PLAC1: variants seen among roughly 807,000 people sequenced by gnomAD.
The protein encoded by PLAC1 is placenta associated 1.
For missense variants in PLAC1, 136 were observed against 163.2 expected (o/e 0.83, Z 0.91); for synonymous variants, 68 against 62.1 (o/e 1.09, Z -0.44).
chrX:134,636,393 T>C (rs2078283540), intron 1 of PLAC1, among the ~76,000 whole-genome samples: 1 of 112,050 alleles, frequency 8.9e-6, no homozygotes, highest in Admixed American at 9.5e-5. Flanking sequence ...AATTGCCATA[T>C]AACAAAATGA....
At chrX:134,723,385 G>T (rs761162527) in intron 2 of PLAC1, among the ~76,000 whole-genome samples, 8 of 106,722 alleles carry the variant, frequency 7.5e-5, no homozygotes, top group Non-Finnish European at 1.3e-4. Context: ...ATGGCTCAGC[G>T]CAGCCTCAAC....
chrX:134,617,589 G>A (rs2078190575), intron 1 of PLAC1, among the ~76,000 whole-genome samples: 1 of 111,960 alleles, frequency 8.9e-6, no homozygotes, highest in African/African-American at 3.2e-5. Context: ...AAGATGATCA[G>A]GTGGTTTTTA....
chrX:134,749,173 C>T (rs948964878), intron 1 of PLAC1, among the ~76,000 whole-genome samples: 2 of 111,670 alleles, frequency 1.8e-5, no homozygotes, highest in Non-Finnish European at 3.8e-5. Flanking sequence ...AACAATTAGG[C>T]GGGCTTGGTG....
chrX:134,714,323 C>G (rs1481259874), intron 2 of PLAC1, among the ~76,000 whole-genome samples: 2 of 109,006 alleles, frequency 1.8e-5, no homozygotes, highest in African/African-American at 6.7e-5. Flanking sequence ...CTCTATCCCC[C>G]CATCCCTCTC....
intron 1 of PLAC1, among the ~76,000 whole-genome samples, chrX:134,620,693 G>A (rs759107881): frequency 3.6e-5 from 4 of 111,690 alleles, no homozygotes; most frequent in African/African-American, 9.8e-5. Flanking sequence ...CAGGAGCCTC[G>A]AAAGATTCAA....
chrX:134,585,937 C>T (rs1209289751), intron 2 of PLAC1, among the ~76,000 whole-genome samples: 1 of 111,877 alleles, frequency 8.9e-6, no homozygotes, highest in Admixed American at 9.5e-5. Flanking sequence ...GAAGTTGGGA[C>T]CCAAAGGTGC....
At chrX:134,583,044 A>T (rs1243516751) in intron 2 of PLAC1, among the ~76,000 whole-genome samples, 5 of 111,915 alleles carry the variant, frequency 4.5e-5, no homozygotes, top group African/African-American at 1.6e-4. Context: ...ATTAAATGAC[A>T]CCATGAGTGT....
At chrX:134,641,425 G>C (rs924646096) in intron 1 of PLAC1, among the ~76,000 whole-genome samples, 1 of 111,944 alleles carries the variant, frequency 8.9e-6, no homozygotes, top group Admixed American at 9.4e-5. Context: ...GTATCCTTTG[G>C]GTCCTGTATT....
Position 134,640,342 on chromosome X carries a change from TG to T in PLAC1, c.-131+17985del, listed in dbSNP as rs774155693. On this transcript the variant is annotated intron_variant, in intron 1 of 2. Transcript: ENST00000359237. ...ACATCTTGACTGGGAGGGTTGTTTCTGGGGGGTCCAATCAATGATCATCAGG... is the reference window on the plus strand; with the variant it reads ...ACATCTTGACTGGGAGGGTTGTTTCTGGGGGTCCAATCAATGATCATCAGG... Among the ~76,000 whole-genome samples, 6 of 111,336 alleles carry T rather than the reference TG, an allele frequency of 5.4e-5. No homozygotes were observed. In the East Asian group the frequency reaches 1.7e-3, roughly 32 times the overall value.
chrX:134,600,204 T>C (rs1264975719), intron 2 of PLAC1, among the ~76,000 whole-genome samples: 3 of 110,853 alleles, frequency 2.7e-5, no homozygotes, highest in African/African-American at 9.9e-5. Context: ...TTTTCACATT[T>C]TTTTCTTTGT....
intron 2 of PLAC1, among the ~76,000 whole-genome samples, chrX:134,710,807 CT>C (rs983307673): frequency 8.2e-5 from 9 of 109,642 alleles, no homozygotes; most frequent in South Asian, 3.9e-4. Flanking sequence ...TCATGTAGCA[CT>C]TTTTTTTTAA....
intron 2 of PLAC1, among the ~76,000 whole-genome samples, chrX:134,710,910 T>A (rs771062166): frequency 1.2e-3 from 131 of 111,713 alleles, no homozygotes; most frequent in African/African-American, 4.1e-3. Context: ...TTCTCTGCAC[T>A]TTTCTGAATT....
chrX:134,578,779 T>A (rs1310700588), intron 2 of PLAC1, among the ~76,000 whole-genome samples: 1 of 108,049 alleles, frequency 9.3e-6, no homozygotes, highest in African/African-American at 3.4e-5. Flanking sequence ...TCAAGAGAGA[T>A]AACAGGAGGG....
chrX:134,618,468 C>T (rs2078195485), intron 1 of PLAC1, among the ~76,000 whole-genome samples: 1 of 111,552 alleles, frequency 9.0e-6, no homozygotes, highest in African/African-American at 3.3e-5. Context: ...TGCAGTGGTG[C>T]GATCATGGCT....
chrX:134,601,061 C>CACAT (rs2078086568), intron 2 of PLAC1: 1 of 2,610 alleles, frequency 3.8e-4, no homozygotes, highest in Admixed American at 6.1e-3. Context: ...TTTTTTTCTT[C>CACAT]ACACACACAC....
intron 1 of PLAC1, among the ~76,000 whole-genome samples, chrX:134,621,444 CAAAAAAAAAAAAAAAAA>C (rs11317429): frequency 8.9e-5 from 3 of 33,854 alleles, no homozygotes; most frequent in African/African-American, 3.4e-4. Flanking sequence ...GGCTCTGTCT[CAAAAAAAAAAAAAAAAA>C]AAAAAAAAAA....
At chrX:134,683,631 G>A (rs1037373437) in intron 2 of PLAC1, among the ~76,000 whole-genome samples, 1 of 112,320 alleles carries the variant, frequency 8.9e-6, no homozygotes, top group Non-Finnish European at 1.9e-5. Flanking sequence ...AGTCAGGGAT[G>A]TGGTTCTTCC....
chrX:134,742,628 T>C (rs1017847477), intron 1 of PLAC1, among the ~76,000 whole-genome samples: 4 of 109,705 alleles, frequency 3.6e-5, no homozygotes, highest in African/African-American at 1.3e-4. Flanking sequence ...AAGACAACAG[T>C]GGTCTTCTTT....
chrX:134,623,465 G>A (rs1265517510), intron 1 of PLAC1, among the ~76,000 whole-genome samples: 1 of 112,528 alleles, frequency 8.9e-6, no homozygotes, highest in Non-Finnish European at 1.9e-5. Context: ...ACATGCCCAC[G>A]TGATCTTATC....
Sources: allele counts gnomAD v4.1 joint callset (sites outside exome capture counted in the v4.1 genomes callset), GRCh38; gene constraint gnomAD v4.1.1; transcripts MANE v1.5; gene names NCBI Gene and HGNC (gene_info 2026-07-23, HGNC 2026-07-21).